Variants in PRDM11 observed in about 807,000 individuals in gnomAD.
The protein encoded by PRDM11 is PR domain-containing protein 11.
Under a neutral mutation model 97.8 loss-of-function variants are expected in PRDM11, and 20 were observed. The ratio of observed to expected loss-of-function variants is 0.20; its 90% CI spans 0.14 to 0.30. The LOEUF is 0.30. PRDM11 is among the 10% of genes least tolerant of loss of function. The probability of loss-of-function intolerance (pLI) is 1.00; values close to 1 mark genes in which losing one functional copy is unlikely to be tolerated. For missense variants in PRDM11, 1,139 were observed against 1,555.2 expected, an observed-to-expected ratio of 0.73 and a Z score of 4.50; for synonymous variants, 599 against 637.7, an observed-to-expected ratio of 0.94 and a Z score of 0.91.
At position 45,169,071 on chromosome 11, in the gene PRDM11, G is replaced by A. The variant is rs12279331; in HGVS notation, c.-6-12690G>A. 1.6e-3 allele frequency among the ~76,000 whole-genome samples: 245 copies of A among 152,232 alleles called. 1 individual carries two copies. Among genetic ancestry groups the A allele is most frequent in the African/African-American group, 5.0e-3 (206 of 41,534 alleles). ...GAGCCCCCTCTGCCTGCCTCACCCC[G>A]AATCACTGACATGCTTGGGGTGGGG... On this transcript the variant is annotated intron_variant, in intron 1 of 7. Transcript: ENST00000683152.
intron 5 of PRDM11, among the ~76,000 whole-genome samples, chr11:45,208,253 C>T (rs1263961584): frequency 1.3e-5 from 2 of 152,118 alleles, no homozygotes; most frequent in Non-Finnish European, 1.5e-5. Flanking sequence ...GAGAACTGAC[C>T]GGGACGGGGA....
At chr11:45,174,033 C>A (rs1386629440) in intron 1 of PRDM11, among the ~76,000 whole-genome samples, 1 of 152,204 alleles carries the variant, frequency 6.6e-6, no homozygotes, top group Non-Finnish European at 1.5e-5. Context: ...CCTTTTCCTG[C>A]CTTTTTCCAG....
chr11:45,122,226 C>G (rs1590353688), intron 1 of PRDM11, among the ~76,000 whole-genome samples: 1 of 138,262 alleles, frequency 7.2e-6, no homozygotes, highest in African/African-American at 2.5e-5. Flanking sequence ...CACACACACA[C>G]ACACACACAC....
In PRDM11 at chr11:45,219,757, G is replaced by C. The variant is rs1038098597; in HGVS notation, c.742G>C (p.Gly248Arg). The C allele has an allele frequency of 1.2e-6, 2 of 1,612,788 alleles. No homozygotes were observed. The highest frequency in any genetic ancestry group is 1.7e-6 in the Non-Finnish European group (2 of 1,179,522). The change falls in exon 6 of 8, where the codon GGA (glycine) becomes CGA (arginine). Residue 248 changes from glycine to arginine, a missense_variant and splice_region_variant. By Grantham distance (125) the Gly-to-Arg change is moderately radical. Transcript: ENST00000683152. The surrounding 1 kb of genome is among the most constrained non-coding windows in gnomAD (Gnocchi z 4.2). ...QETIHRNLAR[G>R]EKRLQREKSE... ...AACCATTCACCGCAACCTGGCCAGA[G>C]GTGAGTGCCATGCTCCACATGAGCT...
At chr11:45,211,147 G>A (rs968423878) in intron 5 of PRDM11, among the ~76,000 whole-genome samples, 5 of 152,158 alleles carry the variant, frequency 3.3e-5, no homozygotes, top group South Asian at 2.1e-4. Context: ...TCACCTCGCC[G>A]GGTCTCACTC....
chr11:45,173,097 C>A (rs2135720859), intron 1 of PRDM11, among the ~76,000 whole-genome samples: 1 of 152,266 alleles, frequency 6.6e-6, no homozygotes, highest in East Asian at 1.9e-4. Flanking sequence ...TGATTAAAGG[C>A]CAGGTTCCTG....
intron 6 of PRDM11, among the ~76,000 whole-genome samples, chr11:45,223,026 A>C (rs749315073): frequency 1.1e-4 from 17 of 152,226 alleles, no homozygotes; most frequent in Non-Finnish European, 2.4e-4. Flanking sequence ...TTTTTAAAGA[A>C]TCAGGCTAGC....
chr11:45,174,287 C>T (rs1271657733), intron 1 of PRDM11, among the ~76,000 whole-genome samples: 1 of 152,172 alleles, frequency 6.6e-6, no homozygotes, highest in Non-Finnish European at 1.5e-5. Flanking sequence ...ATCCTATGAT[C>T]AGGTAGGACA....
At chr11:45,110,520 C>T (rs1852152900) in intron 1 of PRDM11, among the ~76,000 whole-genome samples, 1 of 152,178 alleles carries the variant, frequency 6.6e-6, no homozygotes, top group Admixed American at 6.5e-5. Flanking sequence ...GCAGCCGGAC[C>T]CAACTATCTG....
At position 45,137,822 on chromosome 11, in the gene PRDM11, CGGGTCCAAAATTA is replaced by C. The variant is rs1445855274; in HGVS notation, c.96+41923_96+41935del. Among the ~76,000 whole-genome samples, 5 of 152,256 alleles carry C rather than the reference CGGGTCCAAAATTA, an allele frequency of 3.3e-5. No individual in the cohort carries two copies. In the South Asian group the frequency reaches 1.0e-3, roughly 32 times the overall value. On this transcript the variant is annotated intron_variant, in intron 1 of 6. Transcript: ENST00000530656. ...TGAGCCCTCCAGTTCCTTCCCGACT[CGGGTCCAAAATTA>C]GAGATCCCTTCTGACCCAGCATTAC... is the stretch of plus-strand genomic sequence containing the variant.
At chr11:45,220,616 A>G (rs2135843405) in intron 6 of PRDM11, among the ~76,000 whole-genome samples, 1 of 152,324 alleles carries the variant, frequency 6.6e-6, no homozygotes, top group South Asian at 2.1e-4. Context: ...CTAAGTTCTG[A>G]CCTGCAATGT....
intron 4 of PRDM11, among the ~76,000 whole-genome samples, chr11:45,190,687 A>G (rs971672241): frequency 3.9e-5 from 6 of 152,158 alleles, no homozygotes; most frequent in Admixed American, 1.3e-4. Flanking sequence ...GTCATAGATG[A>G]TACATGAATG....
At chr11:45,180,146 G>C (rs1852431736) in intron 1 of PRDM11, among the ~76,000 whole-genome samples, 2 of 152,260 alleles carry the variant, frequency 1.3e-5, no homozygotes, top group Non-Finnish European at 2.9e-5. Flanking sequence ...TGGTCTGCAT[G>C]ACCTTCGGCA....
intron 5 of PRDM11, among the ~76,000 whole-genome samples, chr11:45,205,761 G>T (rs371779121): frequency 2.0e-5 from 3 of 152,206 alleles, no homozygotes; most frequent in African/African-American, 7.2e-5. Context: ...GGTTTGAGGC[G>T]TAGAGTATGT....
intron 5 of PRDM11, 118 bp downstream of exon 5, chr11:45,204,896 C>A: frequency 8.9e-7 from 1 of 1,127,836 alleles, no homozygotes; most frequent in Admixed American, 1.9e-5. Context: ...CTGCCGTTTG[C>A]AGGGTTTGGA....
chr11:45,227,127 C>G lies in PRDM11; in HGVS notation c.2502C>G (p.Val834=), dbSNP rs1854294726. The G allele has an allele frequency of 6.5e-7, 1 of 1,533,854 alleles. No individual in the cohort carries two copies. Among genetic ancestry groups the G allele is most frequent in the South Asian group, 1.2e-5 (1 of 83,974 alleles). ...AVRWIIGEQN[V]LNALIKDYLE... Reference sequence around the variant, plus strand: ...GGTGGATCATCGGCGAGCAGAACGTCCTCAACGCTCTCATCAAGGACTACC... The same window carrying G: ...GGTGGATCATCGGCGAGCAGAACGTGCTCAACGCTCTCATCAAGGACTACC... The change falls in exon 8 of 8, where the codon GTC becomes GTG. Residue 834 remains valine (V), a synonymous_variant. Coordinates refer to ENST00000683152, the MANE Select transcript of PRDM11 (RefSeq NM_001384648.1). This position sits in a 1 kb window ranked among gnomAD's most constrained non-coding sequence, Gnocchi z 8.0.
At position 45,227,814 on chromosome 11, in the gene PRDM11, G is replaced by C; in HGVS notation, c.3189G>C (p.Lys1063Asn). 1 of 1,533,926 alleles carries C rather than the reference G, an allele frequency of 6.5e-7. No homozygotes were observed. Among genetic ancestry groups the C allele is most frequent in the Non-Finnish European group, 8.7e-7 (1 of 1,146,722 alleles). ...GFKDLISHIC[K>N]YKQRFPLLNK... ...AAGACCTGATCAGCCACATTTGCAA[G>C]TACAAACAGAGGTTTCCACTCTTGA... The change falls in exon 8 of 8, where the codon AAG (lysine) becomes AAC (asparagine). Residue 1063 changes from lysine to asparagine, a missense_variant. Physicochemically the swap from Lys to Asn is moderately conservative, Grantham distance 94. This residue lies in a region of PRDM11 where 710 missense variants were observed against 1,044.9 expected (regional missense o/e 0.68). Transcript: ENST00000683152. This position sits in a 1 kb window ranked among gnomAD's most constrained non-coding sequence, Gnocchi z 8.0.
chr11:45,123,344 T>A (rs975136145), intron 1 of PRDM11, among the ~76,000 whole-genome samples: 2 of 152,200 alleles, frequency 1.3e-5, no homozygotes, highest in African/African-American at 4.8e-5. Context: ...GCTCTTTAGT[T>A]TAGTTAGATC....
chr11:45,117,463 GC>G (rs1250670416), intron 1 of PRDM11, among the ~76,000 whole-genome samples: 5 of 152,196 alleles, frequency 3.3e-5, no homozygotes, highest in Non-Finnish European at 7.3e-5. Flanking sequence ...AAGAGGAGAA[GC>G]AGGTTGAGTG....
Sources: allele counts gnomAD v4.1 joint callset (sites outside exome capture counted in the v4.1 genomes callset), GRCh38; gene constraint gnomAD v4.1.1; regional missense constraint gnomAD v4.1.1; non-coding constraint Gnocchi (gnomAD v3.1); transcripts MANE v1.5; gene names NCBI Gene and HGNC (gene_info 2026-07-23, HGNC 2026-07-21).